Variants in LDLRAP1 observed in about 807,000 individuals in gnomAD.
LDLRAP1 encodes low density lipoprotein receptor adaptor protein 1.
In LDLRAP1, 30 loss-of-function variants were observed where a neutral mutation model predicts 37.8. The ratio of observed to expected loss-of-function variants is 0.79; its 90% CI spans 0.59 to 1.08. The LOEUF (loss-of-function observed/expected upper bound fraction) is 1.08, where lower values mean the gene tolerates loss of function less well. Among genes scored for constraint, LDLRAP1 ranks in the 50% least tolerant of loss-of-function variants. The pLI is 0.00. For missense variants in LDLRAP1, 375 were observed against 401.6 expected (o/e 0.93, Z 0.57); for synonymous variants, 156 against 169.8 (o/e 0.92, Z 0.63).
chr1:25,589,304 A>AAAAGAAAGAAAG, the LDLRAP1 span, among the ~76,000 whole-genome samples: 189 of 149,046 alleles, frequency 1.3e-3, no homozygotes, highest in African/African-American at 4.5e-3. Flanking sequence ...ACTCCATCTC[A>AAAAGAAAGAAAG]AAAGAAAGAA....
chr1:25,546,079 C>G (rs1360757462), intron 1 of LDLRAP1, among the ~76,000 whole-genome samples: 1 of 152,222 alleles, frequency 6.6e-6, no homozygotes, highest in East Asian at 1.9e-4. Context: ...GGAGCAGGCC[C>G]CACCTACCCC....
At chr1:25,572,621 G>A (rs900648888), downstream of LDLRAP1, among the ~76,000 whole-genome samples, 4 of 152,134 alleles carry the variant, frequency 2.6e-5, no homozygotes, top group Admixed American at 1.3e-4. Context: ...GGACTTGCCC[G>A]GGACTCACAG....
chr1:25,572,437 C>T (rs1557717973), downstream of LDLRAP1, among the ~76,000 whole-genome samples: 1 of 152,156 alleles, frequency 6.6e-6, no homozygotes, highest in Admixed American at 6.5e-5. Flanking sequence ...CATGGCATGC[C>T]CAGCCTGGTT....
intron 3 of LDLRAP1, among the ~76,000 whole-genome samples, chr1:25,556,560 G>A (rs965099958): frequency 1.3e-5 from 2 of 152,234 alleles, no homozygotes; most frequent in African/African-American, 4.8e-5. Flanking sequence ...CTCTGGGCAG[G>A]GGCATGGATC....
At chr1:25,582,452 GCA>G in the LDLRAP1 span, among the ~76,000 whole-genome samples, 150 of 151,790 alleles carry the variant, frequency 9.9e-4, 1 homozygote, top group Middle Eastern at 6.8e-3. Context: ...GGGCATGGTG[GCA>G]TGCACCTGTA....
chr1:25,588,018 A>C, the LDLRAP1 span, among the ~76,000 whole-genome samples: 1 of 152,162 alleles, frequency 6.6e-6, no homozygotes, highest in South Asian at 2.1e-4. Flanking sequence ...TGCTGTGTCA[A>C]CTCAGGGTTA....
At chr1:25,547,425 G>A (rs1423280135) in intron 1 of LDLRAP1, among the ~76,000 whole-genome samples, 1 of 152,032 alleles carries the variant, frequency 6.6e-6, no homozygotes, top group African/African-American at 2.4e-5. Flanking sequence ...AGAGGTTGCA[G>A]TGAGCCGGGA....
chr1:25,557,380 A>G (rs1256777862), intron 4 of LDLRAP1, 113 bp downstream of exon 4: 1 of 807,942 alleles, frequency 1.2e-6, no homozygotes, highest in African/African-American at 1.7e-5. Flanking sequence ...ATTACTTAAG[A>G]AGAGGGTGAA....
chr1:25,552,856 G>A (rs1010853084), intron 1 of LDLRAP1, among the ~76,000 whole-genome samples: 5 of 152,140 alleles, frequency 3.3e-5, no homozygotes, highest in Admixed American at 2.0e-4. Flanking sequence ...CCTGACATTT[G>A]TGTGGTTGGT....
chr1:25,567,000 G>C lies in LDLRAP1; in HGVS notation c.*8G>C. 6.2e-7 allele frequency: 1 copy of C among 1,613,198 alleles called. No homozygotes were observed. Among genetic ancestry groups the C allele is most frequent in the Non-Finnish European group, 8.5e-7 (1 of 1,180,018 alleles). ...GACCTCTTCAGCTTCTGAGGGCCCG[G>C]GGCCAGCCGGACACAAGCGGCCCTG... On this transcript the variant is annotated 3_prime_UTR_variant, in exon 9 of 9. Coordinates refer to ENST00000374338, the MANE Select transcript of LDLRAP1 (RefSeq NM_015627.3).
downstream of LDLRAP1, among the ~76,000 whole-genome samples, chr1:25,571,132 C>T (rs1041963527): frequency 1.3e-5 from 2 of 152,334 alleles, no homozygotes; most frequent in African/African-American, 2.4e-5. Flanking sequence ...AAACCCCAAC[C>T]GACCTGGTGT....
chr1:25,548,290 G>T (rs1279125028), intron 1 of LDLRAP1, among the ~76,000 whole-genome samples: 3 of 150,574 alleles, frequency 2.0e-5, no homozygotes, highest in South Asian at 4.2e-4. Flanking sequence ...CTCACCTCGG[G>T]TGTGAACTCA....
At chr1:25,560,047 GGA>G (rs2044306834) in intron 4 of LDLRAP1, among the ~76,000 whole-genome samples, 1 of 151,706 alleles carries the variant, frequency 6.6e-6, no homozygotes, top group Admixed American at 6.6e-5. Flanking sequence ...GGAGCCAGGA[GGA>G]GTTTGCCAGG....
the LDLRAP1 span, among the ~76,000 whole-genome samples, chr1:25,589,268 C>A: frequency 6.9e-6 from 1 of 144,896 alleles, no homozygotes; most frequent in East Asian, 2.2e-4. Flanking sequence ...CACACCACTG[C>A]ACTCCAGCCC....
chr1:25,565,129 C>T (rs1382098196), intron 7 of LDLRAP1, 44 bp from the exon 8 acceptor site: 2 of 1,607,434 alleles, frequency 1.2e-6, no homozygotes, highest in Non-Finnish European at 1.7e-6. Context: ...TGAGCATGGG[C>T]TCCCCCAAAC....
chr1:25,548,717 A>G (rs1445567242), intron 1 of LDLRAP1, among the ~76,000 whole-genome samples: 3 of 152,168 alleles, frequency 2.0e-5, no homozygotes, highest in African/African-American at 7.2e-5. Context: ...TCTATTGCCC[A>G]GGCTGGAATG....
chr1:25,577,749 G>T, the LDLRAP1 span, among the ~76,000 whole-genome samples: 24 of 152,336 alleles, frequency 1.6e-4, no homozygotes, highest in African/African-American at 5.8e-4. Context: ...GCATCACCGT[G>T]AGTTGGCTCT....
At chr1:25,572,920 G>A (rs1020985881), downstream of LDLRAP1, among the ~76,000 whole-genome samples, 1 of 152,180 alleles carries the variant, frequency 6.6e-6, no homozygotes, top group African/African-American at 2.4e-5. Context: ...CCTAGAAGAG[G>A]GGGCATGGAG....
At chr1:25,559,745 G>C (rs1269367251) in intron 4 of LDLRAP1, among the ~76,000 whole-genome samples, 1 of 152,178 alleles carries the variant, frequency 6.6e-6, no homozygotes, top group Non-Finnish European at 1.5e-5. Context: ...AGACATGTTG[G>C]AAATCCTAGA....
Sources: allele counts gnomAD v4.1 joint callset (sites outside exome capture counted in the v4.1 genomes callset), GRCh38; gene constraint gnomAD v4.1.1; transcripts MANE v1.5; gene names NCBI Gene and HGNC (gene_info 2026-07-23, HGNC 2026-07-21).